Variants in PKHD1 observed in about 807,000 individuals in gnomAD.
PKHD1 encodes the protein PKHD1 ciliary IPT domain containing fibrocystin/polyductin.
A neutral mutation model predicts 412.0 loss-of-function variants in PKHD1; 291 were observed. The ratio of observed to expected loss-of-function variants is 0.71; its 90% CI spans 0.64 to 0.78. PKHD1 has a LOEUF of 0.78. Ranked by LOEUF, PKHD1 falls within the 30% of genes least tolerant of loss-of-function variation. The pLI, the probability that PKHD1 is intolerant of heterozygous loss-of-function variation, is 0.00. For missense variants in PKHD1, 4,825 were observed against 4,950.7 expected, an observed-to-expected ratio of 0.97 and a Z score of 0.76; for synonymous variants, 1,777 against 1,821.5, an observed-to-expected ratio of 0.98 and a Z score of 0.62.
chr6:51,801,267 A>C lies in PKHD1; in HGVS notation c.8303-9894T>G, dbSNP rs1762863803. On this transcript the variant is annotated intron_variant, in intron 52 of 66. Coordinates refer to ENST00000371117, the MANE Select transcript of PKHD1 (RefSeq NM_138694.4). ...TAAAATAGAATGGAAACTCTTATAC[A>C]TAAATAGTTCACAGAGATGAAAGAT... is the stretch of plus-strand genomic sequence containing the variant. Among the ~76,000 whole-genome samples the C allele has an allele frequency of 2.0e-5, 3 of 152,310 alleles. No individual in the cohort carries two copies. In the South Asian group the frequency reaches 6.2e-4, roughly 32 times the overall value.
At chr6:51,697,272 G>C (rs1282940253) in intron 60 of PKHD1, among the ~76,000 whole-genome samples, 1 of 152,200 alleles carries the variant, frequency 6.6e-6, no homozygotes, top group Non-Finnish European at 1.5e-5. Context: ...CAAACACGCT[G>C]TGAGGTAATT....
chr6:52,076,244 A>G, intron 6 of PKHD1, 32 bp downstream of exon 6: 1 of 1,492,570 alleles, frequency 6.7e-7, no homozygotes, highest in Non-Finnish European at 9.4e-7. Flanking sequence ...ACAGATTCAC[A>G]ATTATTCCTA....
At position 52,046,174 on chromosome 6, in the gene PKHD1, T is replaced by C; in HGVS notation, c.2422A>G (p.Ile808Val). Reference sequence around the variant, plus strand: ...AGCTGGTGAAGGTGATGAGCAGAAATTTGTACAGGGACATCTGTGAGAGAA... The same window carrying C: ...AGCTGGTGAAGGTGATGAGCAGAAACTTGTACAGGGACATCTGTGAGAGAA... ...NTVISDVPVQ[I>V]SAHHLHQLLQ... The change falls in exon 24 of 67, where the codon ATT becomes GTT. Residue 808 changes from isoleucine (I) to valine (V), a missense_variant. By Grantham distance (29) the Ile-to-Val change is conservative. Transcript: ENST00000371117. 6.2e-7 allele frequency: 1 copy of C among 1,612,792 alleles called. No homozygotes were observed. Among genetic ancestry groups the C allele is most frequent in the Non-Finnish European group, 8.5e-7 (1 of 1,178,780 alleles).
intron 64 of PKHD1, among the ~76,000 whole-genome samples, chr6:51,634,005 T>C (rs2150309700): frequency 6.6e-6 from 1 of 152,184 alleles, no homozygotes; most frequent in Admixed American, 6.5e-5. Context: ...TATCAAATGG[T>C]ATGCTTTAAA....
chr6:51,727,585 T>A (rs1468322336), intron 60 of PKHD1, among the ~76,000 whole-genome samples: 1 of 152,174 alleles, frequency 6.6e-6, no homozygotes, highest in Non-Finnish European at 1.5e-5. Flanking sequence ...CTTAGGGTGG[T>A]CTGCCCACAT....
chr6:51,925,341 A>G (rs557756715), intron 37 of PKHD1, among the ~76,000 whole-genome samples: 1 of 152,244 alleles, frequency 6.6e-6, no homozygotes, highest in East Asian at 1.9e-4. Flanking sequence ...AGAGTCAGTT[A>G]TGAGGTTTGC....
intron 37 of PKHD1, among the ~76,000 whole-genome samples, chr6:51,927,536 G>A (rs900938902): frequency 1.3e-5 from 2 of 152,150 alleles, no homozygotes; most frequent in Non-Finnish European, 2.9e-5. Context: ...GCTAACCCTG[G>A]CCTTTCCTCC....
At chr6:51,847,388 G>A (rs1771379714) in intron 50 of PKHD1, among the ~76,000 whole-genome samples, 1 of 150,350 alleles carries the variant, frequency 6.7e-6, no homozygotes, top group Non-Finnish European at 1.5e-5. Context: ...AAACAAATAT[G>A]ACACTGCCCT....
intron 60 of PKHD1, among the ~76,000 whole-genome samples, chr6:51,740,277 CA>C (rs1449808903): frequency 6.6e-6 from 1 of 152,222 alleles, no homozygotes. Flanking sequence ...GAGTGTTCCT[CA>C]GAGCTGATCC....
In PKHD1 at chr6:52,050,311, C is replaced by A. The variant is rs758316783; in HGVS notation, c.2141-16G>T. The A allele has an allele frequency of 1.9e-6, 3 of 1,613,766 alleles. No homozygotes were observed. Among genetic ancestry groups the A allele is most frequent in the South Asian group, 2.2e-5 (2 of 91,070 alleles). ...GCTTGAGAAACTAGAGACCAGTGAT[C>A]CAATTACTATCAAGTGACTTAAGAT... is the stretch of plus-strand genomic sequence containing the variant. On this transcript the variant is annotated splice_polypyrimidine_tract_variant and intron_variant, in intron 21 of 66. Coordinates refer to ENST00000371117, the MANE Select transcript of PKHD1 (RefSeq NM_138694.4).
At chr6:51,997,901 A>G (rs1297023115) in intron 35 of PKHD1, among the ~76,000 whole-genome samples, 2 of 152,218 alleles carry the variant, frequency 1.3e-5, no homozygotes, top group Middle Eastern at 3.2e-3. Flanking sequence ...TTAACTTGTC[A>G]TACTTGCCAT....
intron 37 of PKHD1, among the ~76,000 whole-genome samples, chr6:51,932,467 C>T (rs1024914951): frequency 8.5e-5 from 13 of 152,162 alleles, no homozygotes; most frequent in African/African-American, 2.4e-4. Flanking sequence ...GTCCTCTGGA[C>T]GATCTATGGG....
chr6:51,652,077 C>T (rs1771065766), intron 61 of PKHD1, among the ~76,000 whole-genome samples: 1 of 152,144 alleles, frequency 6.6e-6, no homozygotes, highest in Non-Finnish European at 1.5e-5. Flanking sequence ...AGCCTGCAGG[C>T]AGAAGGACCT....
intron 60 of PKHD1, among the ~76,000 whole-genome samples, chr6:51,734,719 A>G (rs1447112085): frequency 3.3e-5 from 5 of 152,176 alleles, no homozygotes; most frequent in Non-Finnish European, 2.9e-5. Flanking sequence ...AGGAAAAAAA[A>G]AAACTCTACA....
At position 51,619,273 on chromosome 6, in the gene PKHD1, C is replaced by T; in HGVS notation, c.12033G>A (p.Leu4011=). The T allele has an allele frequency of 6.2e-7, 1 of 1,614,252 alleles. No homozygotes were observed. The highest frequency in any genetic ancestry group is 8.5e-7 in the Non-Finnish European group (1 of 1,180,044). ...GCAGCAGCAGCTGATTTTGGCCTGC[C>T]AGCTGGTATCTGAGCAACTGCTCTT... ...EGQEQLLRYQ[L]AGQNQLLLLC... Residue 4011 remains leucine, a synonymous_variant, in exon 67 of 67, where the codon CTG becomes CTA. Transcript: ENST00000371117.
intron 64 of PKHD1, 93 bp downstream of exon 64, chr6:51,638,756 G>A (rs1768920107): frequency 2.6e-6 from 2 of 780,050 alleles, no homozygotes; most frequent in African/African-American, 3.7e-5. Context: ...TCTTATTCAT[G>A]ATAGTAGCTA....
intron 60 of PKHD1, among the ~76,000 whole-genome samples, chr6:51,718,800 T>C (rs2150809200): frequency 6.6e-6 from 1 of 152,330 alleles, no homozygotes; most frequent in East Asian, 1.9e-4. Context: ...ATAATGCAAT[T>C]TGATGTGATC....
intron 60 of PKHD1, among the ~76,000 whole-genome samples, chr6:51,699,214 G>A (rs1324796034): frequency 2.6e-5 from 4 of 152,042 alleles, no homozygotes; most frequent in Non-Finnish European, 4.4e-5. Context: ...TCTCCCAAAA[G>A]TCCCTTGGGC....
intron 46 of PKHD1, among the ~76,000 whole-genome samples, chr6:51,874,199 A>G (rs1392037738): frequency 6.6e-6 from 1 of 152,230 alleles, no homozygotes; most frequent in Non-Finnish European, 1.5e-5. Context: ...ATCTGCTCAA[A>G]TTAATTACAA....
Sources: gnomAD v4.1 joint callset for allele counts (sites outside exome capture counted in the v4.1 genomes callset) on GRCh38, gnomAD v4.1.1 for gene constraint, MANE v1.5 for transcripts, NCBI Gene and HGNC (gene_info 2026-07-23, HGNC 2026-07-21) for gene names.